Variants in CCDC197 observed in about 807,000 individuals in gnomAD.
CCDC197 encodes uncharacterized protein CCDC197.
A neutral mutation model predicts 13.4 loss-of-function variants in CCDC197; 24 were observed. That is an observed-to-expected ratio of 1.80 (90% CI 1.30 to 2.53). The LOEUF is 2.53. CCDC197 is among the 30% of genes most tolerant of loss of function. CCDC197 has a pLI of 0.00. For synonymous variants in CCDC197, 99 were observed against 55.5 expected, an observed-to-expected ratio of 1.78 and a Z score of -3.48; for missense variants, 255 against 148.8, an observed-to-expected ratio of 1.71 and a Z score of -3.71.
In CCDC197 at chr14:94,008,484, C is replaced by A. The variant is rs957194445; in HGVS notation, c.616-125C>A. On this transcript the variant is annotated intron_variant, in intron 6 of 6. Coordinates refer to ENST00000636493, the MANE Select transcript of CCDC197 (RefSeq NM_001351596.2). ...TTACCCAGTGGCATTGATACCACAT[C>A]CTTTGCAGGGCGCTTGTGAGAGTTA... The A allele has an allele frequency of 2.7e-5, 17 of 629,792 alleles. No individual in the cohort carries two copies. The Admixed American group carries it at 3.7e-4, about 14-fold the overall frequency. The allele number at this position is 629,792 out of a possible 1,614,324, so 39.0% of individuals were successfully genotyped here. A position where few individuals can be genotyped will look rare whatever the true frequency, so the allele number is the denominator to read the frequency against.
intron 1 of CCDC197, among the ~76,000 whole-genome samples, chr14:93,989,240 C>T (rs1890165607): frequency 6.6e-6 from 1 of 152,116 alleles, no homozygotes; most frequent in African/African-American, 2.4e-5. Flanking sequence ...GCCAGCCATC[C>T]CTTTAACGCT....
downstream of CCDC197, chr14:94,008,888 T>G (rs1217981086): frequency 1.5e-6 from 1 of 645,202 alleles, no homozygotes; most frequent in African/African-American, 1.8e-5. Flanking sequence ...ACCACCAACA[T>G]CTCTAAGCCA....
chr14:93,988,395 G>A (rs989632784), intron 1 of CCDC197, among the ~76,000 whole-genome samples: 11 of 101,894 alleles, frequency 1.1e-4, no homozygotes, highest in African/African-American at 4.6e-4. Context: ...GGGGATGAGA[G>A]AGGGGATGGG....
chr14:94,002,864 A>AAC (rs1322504359), intron 4 of CCDC197, among the ~76,000 whole-genome samples: 6 of 150,812 alleles, frequency 4.0e-5, no homozygotes, highest in Admixed American at 2.0e-4. Flanking sequence ...AAAAAAAAAA[A>AAC]AAACAAAATT....
At chr14:93,999,340 C>A in intron 2 of CCDC197, 1 of 496,950 alleles carries the variant, frequency 2.0e-6, no homozygotes, top group South Asian at 2.6e-5. Context: ...CCCCCAGATA[C>A]CTTCTTTGCT....
downstream of CCDC197, among the ~76,000 whole-genome samples, chr14:94,011,396 C>T (rs1274170689): frequency 2.0e-5 from 3 of 152,254 alleles, no homozygotes; most frequent in African/African-American, 7.2e-5. Context: ...TGGCAATGGC[C>T]TGGCCACCAG....
chr14:93,988,947 A>G, intron 1 of CCDC197, among the ~76,000 whole-genome samples: 1 of 150,560 alleles, frequency 6.6e-6, no homozygotes, highest in Non-Finnish European at 1.5e-5. Context: ...GATGGGAGAG[A>G]GGATGGGAGA....
chr14:94,006,635 G>A (rs111563876), intron 6 of CCDC197, among the ~76,000 whole-genome samples: 1 of 151,544 alleles, frequency 6.6e-6, no homozygotes, highest in Non-Finnish European at 1.5e-5. Context: ...GAGATTATAG[G>A]TATGAGCCAC....
chr14:93,992,410 A>C (rs978344671), upstream of CCDC197, among the ~76,000 whole-genome samples: 4 of 152,282 alleles, frequency 2.6e-5, no homozygotes, highest in Admixed American at 6.5e-5. Flanking sequence ...ATGGAGGGGC[A>C]TGACTTGAAC....
chr14:93,995,104 C>T (rs186379860), upstream of CCDC197, among the ~76,000 whole-genome samples: 1 of 152,190 alleles, frequency 6.6e-6, no homozygotes, highest in South Asian at 2.1e-4. Context: ...CTGAGCCACA[C>T]AGACATGAGT....
chr14:94,005,450 CAGGG>C (rs1890655684), intron 6 of CCDC197, among the ~76,000 whole-genome samples: 1 of 152,208 alleles, frequency 6.6e-6, no homozygotes, highest in Non-Finnish European at 1.5e-5. Flanking sequence ...GCCTCTTGCA[CAGGG>C]TCCTCACCTT....
At chr14:93,988,447 G>A (rs1370867120) in intron 1 of CCDC197, among the ~76,000 whole-genome samples, 5 of 67,050 alleles carry the variant, frequency 7.5e-5, no homozygotes, top group Admixed American at 1.6e-4. Context: ...AGGATGGGAG[G>A]AGGAGATGGG....
At chr14:94,011,158 A>G (rs1313718350), downstream of CCDC197, among the ~76,000 whole-genome samples, 1 of 152,164 alleles carries the variant, frequency 6.6e-6, no homozygotes, top group African/African-American at 2.4e-5. Context: ...TGGACCGGGC[A>G]TTCCAGGAGG....
intron 4 of CCDC197, among the ~76,000 whole-genome samples, chr14:94,002,783 G>A (rs1890560558): frequency 1.3e-5 from 2 of 151,508 alleles, no homozygotes; most frequent in African/African-American, 2.4e-5. Flanking sequence ...AACCCAGGAG[G>A]CGGAGGTCGC....
intron 1 of CCDC197, among the ~76,000 whole-genome samples, chr14:93,991,084 A>AT (rs1216172031): frequency 6.6e-6 from 1 of 152,166 alleles, no homozygotes; most frequent in African/African-American, 2.4e-5. Flanking sequence ...TCATGCCAAC[A>AT]TTAAGAAAGT....
intron 2 of CCDC197, among the ~76,000 whole-genome samples, chr14:93,998,763 G>A (rs1327841636): frequency 6.6e-6 from 1 of 152,262 alleles, no homozygotes; most frequent in African/African-American, 2.4e-5. Context: ...CACTGTCACG[G>A]CTCACAGGGC....
chr14:93,997,879 G>A (rs1218354297), intron 1 of CCDC197, 120 bp from the exon 2 acceptor site: 1 of 512,678 alleles, frequency 2.0e-6, no homozygotes, highest in African/African-American at 1.9e-5. Context: ...CAGAGCTGGG[G>A]ATGCAGCCCG....
intron 1 of CCDC197, among the ~76,000 whole-genome samples, chr14:93,989,395 A>G (rs533631883): frequency 6.6e-6 from 1 of 152,244 alleles, no homozygotes; most frequent in Admixed American, 6.5e-5. Flanking sequence ...CACTTGCCTC[A>G]GTTGTCCAGT....
intron 1 of CCDC197, among the ~76,000 whole-genome samples, chr14:93,991,235 G>A (rs1890205279): frequency 2.0e-5 from 3 of 152,186 alleles, no homozygotes; most frequent in Non-Finnish European, 2.9e-5. Context: ...GGTGGATGAG[G>A]AGGCTACCGT....
Sources: gnomAD v4.1 joint callset for allele counts (sites outside exome capture counted in the v4.1 genomes callset) on GRCh38, gnomAD v4.1.1 for gene constraint, MANE v1.5 for transcripts, NCBI Gene and HGNC (gene_info 2026-07-23, HGNC 2026-07-21) for gene names.